The following PRKACB variants were observed in gnomAD, a reference collection of about 807,000 sequenced individuals.
The protein encoded by PRKACB is protein kinase cAMP-activated catalytic subunit beta.
Under a neutral mutation model 51.4 loss-of-function variants are expected in PRKACB, and 16 were observed. The observed-to-expected ratio is 0.31, with a 90% CI of 0.21 to 0.47. PRKACB has a LOEUF of 0.47. PRKACB is among the 20% of genes least tolerant of loss of function. The pLI, the probability that PRKACB is intolerant of heterozygous loss-of-function variation, is 1.00. For synonymous variants in PRKACB, 147 were observed against 154.4 expected (o/e 0.95, Z 0.35); for missense variants, 309 against 464.5 (o/e 0.67, Z 3.08).
chr1:84,215,513 T>C (rs1172163863), intron 9 of PRKACB, among the ~76,000 whole-genome samples: 2 of 152,216 alleles, frequency 1.3e-5, no homozygotes, highest in African/African-American at 4.8e-5. Flanking sequence ...AAAGGGATTC[T>C]TAGAGTTAGA....
chr1:84,156,241 T>C (rs1241228957), intron 1 of PRKACB, among the ~76,000 whole-genome samples: 2 of 152,130 alleles, frequency 1.3e-5, no homozygotes, highest in Non-Finnish European at 2.9e-5. Flanking sequence ...AGCAATCTCC[T>C]GTATTGGCCT....
intron 1 of PRKACB, among the ~76,000 whole-genome samples, chr1:84,091,466 T>C (rs1357716458): frequency 6.6e-6 from 1 of 152,128 alleles, no homozygotes; most frequent in Non-Finnish European, 1.5e-5. Flanking sequence ...TTCTTGGTTC[T>C]TTATGATTAG....
At chr1:84,223,370 G>GTTT (rs976444186) in intron 9 of PRKACB, among the ~76,000 whole-genome samples, 1 of 21,442 alleles carries the variant, frequency 4.7e-5, no homozygotes, top group African/African-American at 8.3e-5. Flanking sequence ...GTTTTTTTTT[G>GTTT]TTTTTTTGTT....
At chr1:84,202,272 T>A (rs936742018) in intron 7 of PRKACB, among the ~76,000 whole-genome samples, 1 of 152,056 alleles carries the variant, frequency 6.6e-6, no homozygotes, top group African/African-American at 2.4e-5. Flanking sequence ...CTTTGAAAAC[T>A]TTTGATCTTT....
At chr1:84,126,358 C>T (rs767535381) in intron 1 of PRKACB, among the ~76,000 whole-genome samples, 28 of 152,044 alleles carry the variant, frequency 1.8e-4, no homozygotes, top group African/African-American at 5.6e-4. Flanking sequence ...AGCTGGAAAG[C>T]GGATGGAGTG....
upstream of PRKACB, among the ~76,000 whole-genome samples, chr1:84,142,854 G>T (rs1417498800): frequency 6.6e-6 from 1 of 151,956 alleles, no homozygotes; most frequent in African/African-American, 2.4e-5. Context: ...GTCCTAATTT[G>T]ATTACATTAT....
Position 84,235,455 on chromosome 1 carries a change from G to A in PRKACB, c.*150G>A, listed in dbSNP as rs574076031. On this transcript the variant is annotated 3_prime_UTR_variant, in exon 10 of 10. Transcript: ENST00000370685. ...TCTTTATTGCCATCATCCCGTGTGC[G>A]CACTCTGCATCCACCTATGTAACAA... 1.1e-4 allele frequency: 104 copies of A among 980,468 alleles called. No individual in the cohort carries two copies. The highest frequency in any genetic ancestry group is 2.1e-4 in the Middle Eastern group (1 of 4,666). 60.7% of individuals were successfully genotyped at this position (980,468 alleles called of 1,614,324 possible). A position where few individuals can be genotyped will look rare whatever the true frequency, so the allele number is the denominator to read the frequency against.
chr1:84,121,038 G>A (rs1462554803), intron 1 of PRKACB, among the ~76,000 whole-genome samples: 2 of 151,952 alleles, frequency 1.3e-5, no homozygotes, highest in East Asian at 1.9e-4. Context: ...TAGCTATCAC[G>A]AGTTTTATGT....
intron 5 of PRKACB, among the ~76,000 whole-genome samples, chr1:84,187,775 A>G (rs1012551191): frequency 3.9e-5 from 6 of 152,100 alleles, no homozygotes; most frequent in African/African-American, 1.4e-4. Context: ...CTCTACATTG[A>G]TTACATAGGA....
At chr1:84,223,140 C>T (rs1313762686) in intron 9 of PRKACB, among the ~76,000 whole-genome samples, 2 of 152,006 alleles carry the variant, frequency 1.3e-5, no homozygotes, top group African/African-American at 4.8e-5. Flanking sequence ...TCTGGAAAAC[C>T]CCAAATTTGA....
At chr1:84,207,388 A>G (rs568190149) in intron 8 of PRKACB, among the ~76,000 whole-genome samples, 3 of 152,318 alleles carry the variant, frequency 2.0e-5, no homozygotes, top group Admixed American at 2.0e-4. Flanking sequence ...TTTCACATAT[A>G]GAATCCAGGC....
chr1:84,118,208 C>T (rs1238231964), intron 1 of PRKACB, among the ~76,000 whole-genome samples: 1 of 152,150 alleles, frequency 6.6e-6, no homozygotes, highest in Non-Finnish European at 1.5e-5. Context: ...CCAATCTTGA[C>T]CAAGCGGGCC....
intron 1 of PRKACB, among the ~76,000 whole-genome samples, chr1:84,173,599 G>T (rs987213070): frequency 4.6e-5 from 7 of 151,700 alleles, no homozygotes; most frequent in Non-Finnish European, 7.4e-5. Flanking sequence ...CATTCCCCTA[G>T]ATTTACACTT....
upstream of PRKACB, among the ~76,000 whole-genome samples, chr1:84,140,977 T>A (rs57030707): frequency 0.13 from 19,167 of 152,024 alleles, 1,521 homozygotes; most frequent in East Asian, 0.28. Context: ...TTCACAATGG[T>A]TTTACAGAGT....
At chr1:84,209,775 A>T (rs1671862805) in intron 8 of PRKACB, among the ~76,000 whole-genome samples, 1 of 152,196 alleles carries the variant, frequency 6.6e-6, no homozygotes, top group Non-Finnish European at 1.5e-5. Flanking sequence ...TGAAGGCAGA[A>T]ATCTTCATCT....
chr1:84,084,461 A>G (rs533589285), intron 1 of PRKACB, among the ~76,000 whole-genome samples: 1 of 152,228 alleles, frequency 6.6e-6, no homozygotes, highest in South Asian at 2.1e-4. Context: ...ACATGATACA[A>G]TTTGGGTTTA....
intron 2 of PRKACB, among the ~76,000 whole-genome samples, chr1:84,180,204 A>ATATATATATATATG (rs1347501164): frequency 7.3e-5 from 9 of 124,012 alleles, no homozygotes; most frequent in African/African-American, 2.3e-4. Flanking sequence ...ATATATATAT[A>ATATATATATATATG]TATATGTATG....
At chr1:84,165,721 A>G (rs1437347109) in intron 1 of PRKACB, among the ~76,000 whole-genome samples, 1 of 151,778 alleles carries the variant, frequency 6.6e-6, no homozygotes, top group Non-Finnish European at 1.5e-5. Flanking sequence ...GCAGTTTATC[A>G]TAGGGTAAAA....
intron 1 of PRKACB, chr1:84,164,323 A>T: frequency 1.3e-6 from 2 of 1,535,586 alleles, no homozygotes; most frequent in Non-Finnish European, 1.8e-6. Flanking sequence ...TTTTAATATC[A>T]GTGAGGTCCA....
Sources: gnomAD v4.1 joint callset for allele counts (sites outside exome capture counted in the v4.1 genomes callset) on GRCh38, gnomAD v4.1.1 for gene constraint, MANE v1.5 for transcripts, NCBI Gene and HGNC (gene_info 2026-07-23, HGNC 2026-07-21) for gene names.